DIS3: variants seen among roughly 807,000 people sequenced by gnomAD.
DIS3 encodes exosome complex exonuclease RRP44.
Under a neutral mutation model 113.0 loss-of-function variants are expected in DIS3, and 103 were observed. That is an observed-to-expected ratio of 0.91 (90% confidence interval 0.78 to 1.07). The LOEUF is 1.07. Ranked by LOEUF, DIS3 falls within the 50% of genes least tolerant of loss-of-function variation. The pLI, the probability that DIS3 is intolerant of heterozygous loss-of-function variation, is 0.00. For missense variants in DIS3, 1,121 were observed against 1,167.1 expected, an observed-to-expected ratio of 0.96 and a Z score of 0.58; for synonymous variants, 402 against 394.3, an observed-to-expected ratio of 1.02 and a Z score of -0.23.
At chr13:72,774,268 T>C (rs1265888640) in intron 6 of DIS3, among the ~76,000 whole-genome samples, 1 of 152,102 alleles carries the variant, frequency 6.6e-6, no homozygotes, top group African/African-American at 2.4e-5. Flanking sequence ...AATAAAGTAC[T>C]ACAAAACAAT....
Position 72,757,941 on chromosome 13 carries a change from T to A in DIS3, c.*1854A>T. ...CATAGTGAAATTACTTTATGTAGCC[T>A]AAGTATATAGTGTTTATAAAAGTCT... On this transcript the variant is annotated 3_prime_UTR_variant, in exon 21 of 21. Coordinates refer to ENST00000377767, the MANE Select transcript of DIS3 (RefSeq NM_014953.5). 1 of 201,904 alleles carries A rather than the reference T, an allele frequency of 5.0e-6. No homozygotes were observed. The highest frequency in any genetic ancestry group is 7.5e-5 in the East Asian group (1 of 13,252). The allele number at this position is 201,904 out of a possible 1,614,324, so 12.5% of individuals were successfully genotyped here. A position where few individuals can be genotyped will look rare whatever the true frequency, so the allele number is the denominator to read the frequency against.
intron 15 of DIS3, among the ~76,000 whole-genome samples, 195 bp from the exon 16 acceptor site, chr13:72,763,802 T>C (rs2033687014): frequency 6.6e-6 from 1 of 152,182 alleles, no homozygotes; most frequent in Non-Finnish European, 1.5e-5. Context: ...GCTAACAATC[T>C]CTTATTATGC....
intron 2 of DIS3, among the ~76,000 whole-genome samples, chr13:72,780,325 CAAAAAAAAA>C (rs397851597): frequency 5.4e-5 from 3 of 55,384 alleles, no homozygotes; most frequent in East Asian, 1.2e-3. Context: ...GACTCCATCT[CAAAAAAAAA>C]AAAAAAAAAA....
In DIS3 at chr13:72,768,809, A is replaced by C. The variant is rs760025297; in HGVS notation, c.1859T>G (p.Leu620Arg). 5.0e-6 allele frequency: 8 copies of C among 1,602,688 alleles called. No homozygotes were observed. Among genetic ancestry groups the C allele is most frequent in the Non-Finnish European group, 6.8e-6 (8 of 1,174,580 alleles). ...LRGLNKLAKI[L>R]KKRRIEKGAL... ...CCCTTTTTCAATCCTTCTTTTCTTC[A>C]GAATTTTGGCTAGTTTATTCAGTCC... The change falls in exon 14 of 21, where the codon CTG (leucine) becomes CGG (arginine). Residue 620 changes from leucine to arginine, a missense_variant. Transcript: ENST00000377767.
chr13:72,763,428 T>C, intron 16 of DIS3, 23 bp downstream of exon 16: 4 of 1,577,454 alleles, frequency 2.5e-6, no homozygotes, highest in South Asian at 1.2e-5. Context: ...AAATAGATGA[T>C]TTTTCAAACT....
At chr13:72,774,574 C>T (rs2033962647) in intron 6 of DIS3, among the ~76,000 whole-genome samples, 1 of 152,050 alleles carries the variant, frequency 6.6e-6, no homozygotes, top group Admixed American at 6.5e-5. Flanking sequence ...TAACACTATC[C>T]AAAGGCCTGG....
chr13:72,753,610 G>C lies in DIS3; in HGVS notation c.*6185C>G, dbSNP rs1385591107. ...AGGATCATTCAGATGTAGTGAATGA[G>C]AGTTTATAGTGGTTTACTTATTTAA... On this transcript the variant is annotated 3_prime_UTR_variant, in exon 21 of 21. Transcript: ENST00000377767. 1.1e-4 allele frequency: 158 copies of C among 1,391,970 alleles called. No homozygotes were observed. Among genetic ancestry groups the C allele is most frequent in the Non-Finnish European group, 1.4e-4 (146 of 1,009,710 alleles). The allele number at this position is 1,391,970 out of a possible 1,614,324, so 86.2% of individuals were successfully genotyped here. A position where few individuals can be genotyped will look rare whatever the true frequency, so the allele number is the denominator to read the frequency against.
rs752210696 is a variant in DIS3 at position 72,760,544 on chromosome 13, G to A, written c.2778C>T (p.Ser926=). 1 of 1,613,458 alleles carries A rather than the reference G, an allele frequency of 6.2e-7. No individual in the cohort carries two copies. The highest frequency in any genetic ancestry group is 1.1e-5 in the South Asian group (1 of 91,038). ...SNLQHQKIRM[S]LVEPQIPGIS... Reference sequence around the variant, plus strand: ...TTGGCCTTACCTGTGGTTCTACCAGGGACATTCGGATCTTCTGATGTTGAA... The same window carrying A: ...TTGGCCTTACCTGTGGTTCTACCAGAGACATTCGGATCTTCTGATGTTGAA... Residue 926 remains serine (S), a synonymous_variant, in exon 20 of 21, where the codon TCC becomes TCT. Transcript: ENST00000377767.
At chr13:72,767,259 C>A (rs555703019) in intron 14 of DIS3, among the ~76,000 whole-genome samples, 1 of 152,096 alleles carries the variant, frequency 6.6e-6, no homozygotes, top group Non-Finnish European at 1.5e-5. Flanking sequence ...AAAATACAGA[C>A]TGCTGAAATT....
rs1209395981 is a variant in DIS3, at chr13:72,780,880, T to A, written c.352A>T (p.Lys118Ter). 9 of 1,610,906 alleles carry A rather than the reference T, an allele frequency of 5.6e-6. No individual in the cohort carries two copies. Among genetic ancestry groups the A allele is most frequent in the Non-Finnish European group, 7.6e-6 (9 of 1,179,204 alleles). The change falls in exon 2 of 21, where the codon AAG becomes TAG. Residue 118 changes from lysine to a stop codon, truncating the protein, a stop_gained. Transcript: ENST00000377767. LOFTEE classifies it high-confidence loss of function. The part of the protein sequence containing the change: ...RIRDVTNNQE[K>*]HFYTFTNEHH... ...TCATTAGTGAAAGTATAGAAATGCT[T>A]CTCTTGGTTATTAGTCACATCTCGG...
intron 15 of DIS3, among the ~76,000 whole-genome samples, chr13:72,765,366 TTCTACCCTACTA>T (rs2033719872): frequency 6.6e-6 from 1 of 152,186 alleles, no homozygotes; most frequent in African/African-American, 2.4e-5. Context: ...TTCACCATTA[TTCTACCCTACTA>T]TCTATCCTAC....
chr13:72,781,091 T>C (rs1201547753), intron 1 of DIS3, 88 bp from the exon 2 acceptor site: 1 of 1,410,804 alleles, frequency 7.1e-7, no homozygotes. Flanking sequence ...TGGGCATAAA[T>C]ACTTTATGTT....
At position 72,777,451 on chromosome 13, in the gene DIS3, A is replaced by G. The variant is rs149628103; in HGVS notation, c.623T>C (p.Ile208Thr). 7.1e-5 allele frequency: 115 copies of G among 1,614,024 alleles called. No homozygotes were observed. Among genetic ancestry groups the G allele is most frequent in the Non-Finnish European group, 8.6e-5 (101 of 1,180,002 alleles). Residue 208 changes from isoleucine (I) to threonine (T), a missense_variant, in exon 4 of 21, where the codon ATA (isoleucine) becomes ACA (threonine). Transcript: ENST00000377767. The stretch of plus-strand genomic sequence containing the variant: ...TTCAGACAAACAAGCAAGACGATCT[A>G]TGAGTTCGGGGTTAGCAGTTAGGCT... ...VKSLTANPELIDRLACLSEEG... is the reference protein window; with the variant it reads ...VKSLTANPELTDRLACLSEEG...
At chr13:72,765,913 T>A in intron 15 of DIS3, 59 bp downstream of exon 15, 1 of 1,207,086 alleles carries the variant, frequency 8.3e-7, no homozygotes. Context: ...GTACTTACAG[T>A]AGACATGACA....
intron 14 of DIS3, among the ~76,000 whole-genome samples, chr13:72,766,978 T>G (rs2033763889): frequency 6.6e-6 from 1 of 152,176 alleles, no homozygotes; most frequent in African/African-American, 2.4e-5. Flanking sequence ...AAATATTCCT[T>G]TCTTGCCTTG....
In DIS3 at chr13:72,775,358, A is replaced by T; in HGVS notation, c.840T>A (p.Leu280=). 6.2e-7 allele frequency: 1 copy of T among 1,606,880 alleles called. No homozygotes were observed. Among genetic ancestry groups the T allele is most frequent in the Non-Finnish European group, 8.5e-7 (1 of 1,177,398 alleles). ...CGTGAACAGCTCTGTTTAAATGTTTAAGTCCCTGTAAGATTATCTGTTTAA... is the reference window on the plus strand; with the variant it reads ...CGTGAACAGCTCTGTTTAAATGTTTTAGTCCCTGTAAGATTATCTGTTTAA... ...EENKEIILQG[L]KHLNRAVHED... Residue 280 remains leucine (L), a synonymous_variant, in exon 6 of 21, where the codon CTT becomes CTA. Coordinates refer to ENST00000377767, the MANE Select transcript of DIS3 (RefSeq NM_014953.5).
At chr13:72,770,502 G>A (rs2138197108) in intron 13 of DIS3, among the ~76,000 whole-genome samples, 1 of 152,256 alleles carries the variant, frequency 6.6e-6, no homozygotes, top group East Asian at 1.9e-4. Flanking sequence ...ATGGCAGTAG[G>A]GCTGGGGCTG....
chr13:72,762,273 T>C (rs2033645755), intron 16 of DIS3, 136 bp from the exon 17 acceptor site: 5 of 776,080 alleles, frequency 6.4e-6, no homozygotes, highest in East Asian at 5.3e-5. Flanking sequence ...GTAGAAGTAG[T>C]AGCCAGAAAC....
intron 3 of DIS3, among the ~76,000 whole-genome samples, chr13:72,777,773 G>A (rs2138231264): frequency 6.6e-6 from 1 of 150,770 alleles, no homozygotes; most frequent in South Asian, 2.1e-4. Context: ...TTCCTGTAGA[G>A]CTATAGTCTC....
Sources: gnomAD v4.1 joint callset for allele counts (sites outside exome capture counted in the v4.1 genomes callset) on GRCh38, gnomAD v4.1.1 for gene constraint, MANE v1.5 for transcripts, NCBI Gene and HGNC (gene_info 2026-07-23, HGNC 2026-07-21) for gene names.